RPH3A: variants seen among roughly 807,000 people sequenced by gnomAD.
RPH3A encodes rabphilin 3A.
RPH3A carries 48 observed loss-of-function variants against 102.2 expected under a neutral mutation model. That is an observed-to-expected ratio of 0.47 (90% CI 0.37 to 0.60). RPH3A has a LOEUF of 0.60. Among genes scored for constraint, RPH3A ranks in the 20% least tolerant of loss-of-function variants. The pLI is 0.00. For synonymous variants in RPH3A, 310 were observed against 324.3 expected (o/e 0.96, Z 0.47); for missense variants, 781 against 910.1 (o/e 0.86, Z 1.83).
Position 112,714,169 on chromosome 12 carries a change from G to A in RPH3A, c.-139-77974G>A, listed in dbSNP as rs1345722510. Among the ~76,000 whole-genome samples the A allele has an allele frequency of 3.3e-5, 5 of 152,254 alleles. No individual in the cohort carries two copies. The Middle Eastern group carries it at 0.01, about 311-fold the overall frequency. On this transcript the variant is annotated intron_variant, in intron 1 of 21. Coordinates refer to the RPH3A transcript ENST00000543106. The stretch of plus-strand genomic sequence containing the variant: ...GGGTTCAGAAGGCTGGAGAGGGCAC[G>A]AGCAGCCTCCTAGATATTGCAGACC...
intron 1 of RPH3A, chr12:112,591,471 G>C (rs1199934572): frequency 2.0e-5 from 3 of 152,250 alleles, no homozygotes; most frequent in African/African-American, 7.2e-5. Context: ...AGTGGTCCCT[G>C]TAGCCATTTG....
intron 4 of RPH3A, among the ~76,000 whole-genome samples, chr12:112,844,335 C>T (rs7306609): frequency 0.48 from 73,171 of 152,020 alleles, 18,455 homozygotes; most frequent in African/African-American, 0.62. Flanking sequence ...GAGGTCCACA[C>T]GATTAGGAAA....
intron 1 of RPH3A, among the ~76,000 whole-genome samples, chr12:112,707,497 T>A (rs2040433954): frequency 6.6e-6 from 1 of 152,240 alleles, no homozygotes; most frequent in African/African-American, 2.4e-5. Flanking sequence ...GGGCTGGGAT[T>A]TAAACCCAGA....
chr12:112,732,247 C>A (rs1180395432), intron 1 of RPH3A, among the ~76,000 whole-genome samples: 3 of 152,152 alleles, frequency 2.0e-5, no homozygotes, highest in Admixed American at 2.0e-4. Flanking sequence ...TTGGCTACTT[C>A]TGAGAGCTGG....
intron 2 of RPH3A, among the ~76,000 whole-genome samples, chr12:112,792,895 G>C (rs922929162): frequency 6.6e-6 from 1 of 152,190 alleles, no homozygotes; most frequent in African/African-American, 2.4e-5. Context: ...GGCCAGAAGG[G>C]AGCAGCCACT....
At chr12:112,626,630 C>G (rs1393227006) in intron 1 of RPH3A, among the ~76,000 whole-genome samples, 64 of 147,808 alleles carry the variant, frequency 4.3e-4, no homozygotes, top group African/African-American at 1.5e-3. Context: ...ACTAGTTCAA[C>G]CATTGTGGAA....
chr12:112,701,890 A>G (rs142725727), intron 1 of RPH3A, among the ~76,000 whole-genome samples: 3 of 152,358 alleles, frequency 2.0e-5, no homozygotes, highest in African/African-American at 7.2e-5. Context: ...ATTTGAAATA[A>G]TTTGAGCTAT....
chr12:112,637,344 A>G (rs2039855995), intron 1 of RPH3A, among the ~76,000 whole-genome samples: 1 of 152,162 alleles, frequency 6.6e-6, no homozygotes, highest in Non-Finnish European at 1.5e-5. Context: ...GTCTGTGAGT[A>G]CCTATCACCC....
At chr12:112,856,806 T>A (rs1158676631) in intron 5 of RPH3A, among the ~76,000 whole-genome samples, 1 of 152,196 alleles carries the variant, frequency 6.6e-6, no homozygotes, top group African/African-American at 2.4e-5. Context: ...TTCCGGGCAT[T>A]TTACAAACAC....
chr12:112,878,713 G>A (rs1034482904), intron 13 of RPH3A, among the ~76,000 whole-genome samples: 1 of 152,234 alleles, frequency 6.6e-6, no homozygotes, highest in Non-Finnish European at 1.5e-5. Flanking sequence ...ACCATGTAAG[G>A]ATCTAGAGGG....
chr12:112,841,238 C>T (rs1465144427), intron 4 of RPH3A, among the ~76,000 whole-genome samples: 1 of 121,070 alleles, frequency 8.3e-6, no homozygotes, highest in Non-Finnish European at 1.7e-5. Context: ...TATTTGGAAC[C>T]AACAGTCAAA....
intron 1 of RPH3A, among the ~76,000 whole-genome samples, chr12:112,585,643 G>A (rs2039433592): frequency 6.6e-6 from 1 of 152,158 alleles, no homozygotes; most frequent in Non-Finnish European, 1.5e-5. Flanking sequence ...GTTGAGGCAG[G>A]AGAATCGCTT....
chr12:112,584,744 C>A (rs2039426255), intron 1 of RPH3A, among the ~76,000 whole-genome samples: 1 of 152,138 alleles, frequency 6.6e-6, no homozygotes, highest in Non-Finnish European at 1.5e-5. Flanking sequence ...AAGGAATGAA[C>A]AAAACTGAGG....
chr12:112,743,329 T>C (rs996533505), intron 1 of RPH3A, among the ~76,000 whole-genome samples: 14 of 152,300 alleles, frequency 9.2e-5, no homozygotes, highest in African/African-American at 3.4e-4. Context: ...CCAAACCACA[T>C]CACCTTTGCT....
chr12:112,607,949 G>A (rs533539827), intron 1 of RPH3A, among the ~76,000 whole-genome samples: 24 of 152,198 alleles, frequency 1.6e-4, no homozygotes, highest in African/African-American at 5.1e-4. Flanking sequence ...CTCTGGCATC[G>A]AATACAGACT....
intron 1 of RPH3A, among the ~76,000 whole-genome samples, chr12:112,589,627 C>A (rs534855891): frequency 6.6e-6 from 1 of 152,134 alleles, no homozygotes; most frequent in Admixed American, 6.5e-5. Flanking sequence ...CTCTGGCTTG[C>A]GTTATTTCTT....
intron 1 of RPH3A, among the ~76,000 whole-genome samples, chr12:112,624,563 A>G (rs1173336915): frequency 6.6e-6 from 1 of 150,380 alleles, no homozygotes; most frequent in Non-Finnish European, 1.5e-5. Context: ...GGCAATAATC[A>G]ATAGTTTACC....
At chr12:112,609,844 G>A (rs1290173468) in intron 1 of RPH3A, among the ~76,000 whole-genome samples, 1 of 152,236 alleles carries the variant, frequency 6.6e-6, no homozygotes, top group African/African-American at 2.4e-5. Flanking sequence ...CTGACACGCA[G>A]TGGGCCAATG....
At chr12:112,641,871 T>C (rs1263603555) in intron 1 of RPH3A, among the ~76,000 whole-genome samples, 4 of 152,218 alleles carry the variant, frequency 2.6e-5, no homozygotes, top group African/African-American at 9.6e-5. Context: ...TCAAGGCTCT[T>C]CTAAGCATTC....
Sources: gnomAD v4.1 joint callset for allele counts (sites outside exome capture counted in the v4.1 genomes callset) on GRCh38, gnomAD v4.1.1 for gene constraint, MANE v1.5 for transcripts, NCBI Gene and HGNC (gene_info 2026-07-23, HGNC 2026-07-21) for gene names.